The following FAM169A variants were observed in gnomAD, a reference collection of about 807,000 sequenced individuals.
FAM169A encodes soluble lamin-associated protein of 75 kDa.
FAM169A carries 24 observed loss-of-function variants against 75.7 expected under a neutral mutation model. The ratio of observed to expected loss-of-function variants is 0.32; its 90% confidence interval spans 0.23 to 0.45. The LOEUF is 0.45. Ranked by LOEUF, FAM169A falls within the 20% of genes least tolerant of loss-of-function variation. The pLI, the probability that FAM169A is intolerant of heterozygous loss-of-function variation, is 1.00. For missense variants in FAM169A, 673 were observed against 784.0 expected (o/e 0.86, Z 1.69); for synonymous variants, 271 against 271.0 (o/e 1.00, Z 0.00).
intron 5 of FAM169A, among the ~76,000 whole-genome samples, chr5:74,826,906 G>C (rs1264855122): frequency 1.3e-5 from 2 of 151,994 alleles, no homozygotes; most frequent in Non-Finnish European, 2.9e-5. Flanking sequence ...CTAAACTCTG[G>C]TCTTCGATAA....
intron 5 of FAM169A, among the ~76,000 whole-genome samples, chr5:74,827,837 A>AT (rs367577123): frequency 0.085 from 12,718 of 150,244 alleles, 657 homozygotes; most frequent in Admixed American, 0.16. Flanking sequence ...TAATTTTTGT[A>AT]TTTTTTTTTG....
chr5:74,794,076 G>A (rs1032073194), intron 11 of FAM169A, among the ~76,000 whole-genome samples: 2 of 150,716 alleles, frequency 1.3e-5, no homozygotes, highest in African/African-American at 2.4e-5. Context: ...GGTATGGTGG[G>A]TCATGCCTGT....
chr5:74,798,084 G>A (rs1746371864), intron 10 of FAM169A, among the ~76,000 whole-genome samples: 2 of 152,138 alleles, frequency 1.3e-5, no homozygotes, highest in Admixed American at 6.5e-5. Context: ...TATCTTTGAA[G>A]CCCAGGCCCA....
At chr5:74,800,190 G>A (rs965903978) in intron 10 of FAM169A, 5 of 302,912 alleles carry the variant, frequency 1.7e-5, no homozygotes, top group African/African-American at 4.4e-5. Flanking sequence ...CACATATCAC[G>A]CCAATATCAT....
At chr5:74,862,021 C>T (rs1016095465) in intron 1 of FAM169A, among the ~76,000 whole-genome samples, 1 of 152,212 alleles carries the variant, frequency 6.6e-6, no homozygotes, top group African/African-American at 2.4e-5. Context: ...CACCAAAGCA[C>T]ATCTCTTTCC....
At chr5:74,799,998 G>A in intron 10 of FAM169A, 1 of 782,234 alleles carries the variant, frequency 1.3e-6, no homozygotes, top group Non-Finnish European at 2.3e-6. Context: ...TTATGAGGTG[G>A]ATGAGAAAGA....
chr5:74,799,925 G>T, intron 10 of FAM169A: 1 of 856,396 alleles, frequency 1.2e-6, no homozygotes, highest in South Asian at 1.3e-5. Flanking sequence ...AGAGGGCCAC[G>T]ACTGAGGGCT....
chr5:74,787,226 G>A (rs1291406265), intron 11 of FAM169A, among the ~76,000 whole-genome samples: 1 of 152,204 alleles, frequency 6.6e-6, no homozygotes, highest in African/African-American at 2.4e-5. Flanking sequence ...CGATCAGGCT[G>A]AATTTATTGA....
chr5:74,799,247 T>C, intron 10 of FAM169A: 1 of 1,477,000 alleles, frequency 6.8e-7, no homozygotes, highest in Non-Finnish European at 9.5e-7. Flanking sequence ...AAAGATGGTG[T>C]CTGGAAGCCA....
chr5:74,829,021 C>T (rs907690512), intron 5 of FAM169A, among the ~76,000 whole-genome samples: 3 of 152,284 alleles, frequency 2.0e-5, no homozygotes, highest in African/African-American at 7.2e-5. Context: ...ACTTTGAATA[C>T]AAAGTTCTAC....
chr5:74,781,747 C>T lies in FAM169A; in HGVS notation c.1726G>A (p.Val576Ile). 1.2e-6 allele frequency: 2 copies of T among 1,614,044 alleles called. No individual in the cohort carries two copies. The highest frequency in any genetic ancestry group is 2.2e-5 in the South Asian group (2 of 91,078). ...SSLEDQGEEG[V>I]SEPQETSTAL... is the part of the protein sequence containing the mutation. ...GTAGATGTTTCCTGGGGCTCAGATA[C>T]CCCCTCCTCACCCTGGTCTTCCAAT... Residue 576 changes from valine (V) to isoleucine (I), a missense_variant, in exon 13 of 13, where the codon GTA becomes ATA. Coordinates refer to ENST00000687041, the MANE Select transcript of FAM169A (RefSeq NM_001376049.1).
chr5:74,797,503 A>G (rs1219352150), intron 10 of FAM169A, among the ~76,000 whole-genome samples: 1 of 152,120 alleles, frequency 6.6e-6, no homozygotes, highest in African/African-American at 2.4e-5. Flanking sequence ...TATTTACCTT[A>G]TTCATCAGTT....
intron 11 of FAM169A, among the ~76,000 whole-genome samples, chr5:74,790,943 GT>G: frequency 6.6e-6 from 1 of 152,180 alleles, no homozygotes; most frequent in East Asian, 1.9e-4. Flanking sequence ...CTGGATATGA[GT>G]TTGCCTCTCC....
chr5:74,857,597 A>AAC lies in FAM169A; in HGVS notation c.-4+8567_-4+8568insGT, dbSNP rs1749789571. ...GAAAAAAAAAAAAAAAAAAAAAAAAAAAAAAAACTTCCCTTAAAATATTTG... is the reference window on the plus strand; with the variant it reads ...GAAAAAAAAAAAAAAAAAAAAAAAAAACAAAAAAACTTCCCTTAAAATATTTG... On this transcript the variant is annotated intron_variant, in intron 1 of 12. Coordinates refer to ENST00000687041, the MANE Select transcript of FAM169A (RefSeq NM_001376049.1). 2.2e-5 allele frequency among the ~76,000 whole-genome samples: 3 copies of AAC among 139,408 alleles called. No individual in the cohort carries two copies. The South Asian group carries it at 6.7e-4, about 31-fold the overall frequency. The allele number at this position is 139,408 out of a possible 152,430, so 91.5% of individuals were successfully genotyped here. A position where few individuals can be genotyped will look rare whatever the true frequency, so the allele number is the denominator to read the frequency against.
chr5:74,814,372 A>C (rs1366729030), intron 5 of FAM169A, among the ~76,000 whole-genome samples: 1 of 152,084 alleles, frequency 6.6e-6, no homozygotes, highest in African/African-American at 2.4e-5. Flanking sequence ...AAAATTTCAA[A>C]TTTGAAGAGT....
At chr5:74,822,661 G>C (rs1002133475) in intron 5 of FAM169A, among the ~76,000 whole-genome samples, 6 of 152,058 alleles carry the variant, frequency 3.9e-5, no homozygotes, top group African/African-American at 1.4e-4. Flanking sequence ...TCTCATCCAC[G>C]CTGTAAAATT....
At chr5:74,809,874 C>A (rs987774855) in intron 6 of FAM169A, among the ~76,000 whole-genome samples, 3 of 152,164 alleles carry the variant, frequency 2.0e-5, no homozygotes, top group Admixed American at 6.5e-5. Context: ...AGAACTTCCA[C>A]ATATTTATAC....
intron 5 of FAM169A, among the ~76,000 whole-genome samples, chr5:74,818,568 C>T (rs1432323914): frequency 7.0e-6 from 1 of 142,670 alleles, no homozygotes; most frequent in East Asian, 2.3e-4. Flanking sequence ...AACCCAGACC[C>T]CGCCCCCCCC....
At chr5:74,862,383 G>A (rs1184637204) in intron 1 of FAM169A, among the ~76,000 whole-genome samples, 2 of 152,144 alleles carry the variant, frequency 1.3e-5, no homozygotes, top group Non-Finnish European at 2.9e-5. Context: ...ATAACTCTAT[G>A]CTTTAGCATT....
Sources: allele counts gnomAD v4.1 joint callset (sites outside exome capture counted in the v4.1 genomes callset), GRCh38; gene constraint gnomAD v4.1.1; transcripts MANE v1.5; gene names NCBI Gene and HGNC (gene_info 2026-07-23, HGNC 2026-07-21).